The following FMN2 variants were observed in gnomAD, a reference collection of about 807,000 sequenced individuals.
The protein encoded by FMN2 is formin 2, also known as formin-2.
A neutral mutation model predicts 142.3 loss-of-function variants in FMN2; 51 were observed. That is an observed-to-expected ratio of 0.36 (90% confidence interval 0.29 to 0.45). The LOEUF is 0.45. FMN2 is among the 20% of genes least tolerant of loss of function. The pLI is 1.00. For synonymous variants in FMN2, 882 were observed against 869.8 expected (o/e 1.01, Z -0.25); for missense variants, 1,936 against 2,122.8 (o/e 0.91, Z 1.73).
At chr1:240,215,777 T>G (rs1224357390) in intron 6 of FMN2, among the ~76,000 whole-genome samples, 1 of 152,100 alleles carries the variant, frequency 6.6e-6, no homozygotes, top group Non-Finnish European at 1.5e-5. Flanking sequence ...GGCATGATCT[T>G]GGCTCACTGC....
At chr1:240,431,404 A>T (rs867724980) in intron 15 of FMN2, among the ~76,000 whole-genome samples, 36 of 11,294 alleles carry the variant, frequency 3.2e-3, no homozygotes, top group Middle Eastern at 0.083. Context: ...ACCATGTTTT[A>T]TATATATATA....
At chr1:240,097,651 G>A (rs988420913) in intron 1 of FMN2, among the ~76,000 whole-genome samples, 3 of 152,236 alleles carry the variant, frequency 2.0e-5, no homozygotes, top group Non-Finnish European at 2.9e-5. Flanking sequence ...CACCGCGCCC[G>A]GCTATAGCTG....
chr1:240,329,288 T>C, intron 9 of FMN2, 51 bp from the exon 10 acceptor site: 1 of 1,593,666 alleles, frequency 6.3e-7, no homozygotes, highest in Non-Finnish European at 8.6e-7. Flanking sequence ...AGGATAAACA[T>C]CTGTTTATGT....
intron 14 of FMN2, among the ~76,000 whole-genome samples, chr1:240,361,107 A>C (rs1672447995): frequency 6.9e-6 from 1 of 145,618 alleles, no homozygotes; most frequent in South Asian, 2.2e-4. Context: ...GTACCCTAGA[A>C]CTTAAAGTAT....
At chr1:240,226,684 G>A (rs6429192) in intron 6 of FMN2, among the ~76,000 whole-genome samples, 46,545 of 151,902 alleles carry the variant, frequency 0.31, 7,815 homozygotes, top group African/African-American at 0.45. Context: ...AGCTATGATC[G>A]TGCCACTGTA....
intron 2 of FMN2, chr1:240,144,849 C>A: frequency 6.3e-6 from 9 of 1,439,220 alleles, no homozygotes; most frequent in Non-Finnish European, 8.8e-6. Context: ...ACCTTCTTTG[C>A]ATCATCCAGC....
intron 16 of FMN2, among the ~76,000 whole-genome samples, chr1:240,463,374 C>G (rs147824306): frequency 1.8e-3 from 275 of 152,240 alleles, no homozygotes; most frequent in Middle Eastern, 3.4e-3. Flanking sequence ...TATCAAGGAA[C>G]TGGATGGATG....
intron 8 of FMN2, among the ~76,000 whole-genome samples, chr1:240,323,175 C>CTCTTT (rs1057047035): frequency 4.7e-5 from 7 of 148,982 alleles, no homozygotes; most frequent in Admixed American, 1.4e-4. Flanking sequence ...CTCTTTCTCT[C>CTCTTT]TCTTTTCTTT....
At chr1:240,322,883 AT>A (rs1301744746) in intron 8 of FMN2, among the ~76,000 whole-genome samples, 1 of 151,936 alleles carries the variant, frequency 6.6e-6, no homozygotes, top group Non-Finnish European at 1.5e-5. Context: ...TAGGAGGTTA[AT>A]TTTTTTGTCT....
chr1:240,234,943 T>G (rs1371645022), intron 6 of FMN2, among the ~76,000 whole-genome samples: 3 of 152,210 alleles, frequency 2.0e-5, no homozygotes, highest in Non-Finnish European at 4.4e-5. Context: ...TTAACTACAC[T>G]TACAATTTCA....
chr1:240,187,287 AAAAAG>A (rs1312545411), intron 3 of FMN2, among the ~76,000 whole-genome samples: 33 of 145,582 alleles, frequency 2.3e-4, no homozygotes, highest in African/African-American at 7.2e-4. Context: ...AAAAAAAAAA[AAAAAG>A]AAAAGAAAAA....
At position 240,468,206 on chromosome 1, in the gene FMN2, A is replaced by ATGTGTG. The variant is rs199866888; in HGVS notation, c.5061-4144_5061-4139dup. ...AATGCATCCACTAAAATATATATAT[A>ATGTGTG]TGTGTGTGTGTGTGTGTGTGTGTGT... On this transcript the variant is annotated intron_variant, in intron 16 of 17. Coordinates refer to ENST00000319653, the MANE Select transcript of FMN2 (RefSeq NM_020066.5). 9.6e-3 allele frequency among the ~76,000 whole-genome samples: 1,422 copies of ATGTGTG among 147,958 alleles called. 37 individuals are homozygous for ATGTGTG. Among genetic ancestry groups the ATGTGTG allele is most frequent in the African/African-American group, 0.034 (1,356 of 39,976 alleles).
chr1:240,145,865 G>A (rs1003709094), intron 2 of FMN2, among the ~76,000 whole-genome samples: 2 of 151,980 alleles, frequency 1.3e-5, no homozygotes, highest in African/African-American at 2.4e-5. Flanking sequence ...GCCAAGGGTC[G>A]AGGCAGAAAT....
intron 7 of FMN2, among the ~76,000 whole-genome samples, chr1:240,268,885 A>T (rs533255682): frequency 2.6e-5 from 4 of 152,078 alleles, no homozygotes; most frequent in Non-Finnish European, 5.9e-5. Context: ...CCCATTTTCA[A>T]TAGGGTTATT....
intron 2 of FMN2, chr1:240,142,560 G>A (rs909333560): frequency 9.1e-7 from 1 of 1,102,508 alleles, no homozygotes; most frequent in Non-Finnish European, 1.3e-6. Flanking sequence ...TAACAAAAGA[G>A]CAGGAGGCAA....
chr1:240,330,011 G>T (rs1671325679), intron 10 of FMN2, among the ~76,000 whole-genome samples: 1 of 152,170 alleles, frequency 6.6e-6, no homozygotes, highest in Non-Finnish European at 1.5e-5. Context: ...TCTAGTTGCG[G>T]TAAATCATTT....
At chr1:240,217,426 A>C (rs1666947707) in intron 6 of FMN2, among the ~76,000 whole-genome samples, 1 of 152,166 alleles carries the variant, frequency 6.6e-6, no homozygotes. Context: ...CCAAAGACAT[A>C]AAATAATGTC....
At chr1:240,121,401 G>C (rs1662241033) in intron 1 of FMN2, among the ~76,000 whole-genome samples, 1 of 149,262 alleles carries the variant, frequency 6.7e-6, no homozygotes, top group Non-Finnish European at 1.5e-5. Flanking sequence ...TTTTGAGACG[G>C]AGTCTTGCTC....
intron 6 of FMN2, among the ~76,000 whole-genome samples, chr1:240,256,937 A>G (rs1428737854): frequency 2.0e-5 from 3 of 152,188 alleles, no homozygotes; most frequent in Non-Finnish European, 1.5e-5. Context: ...TTATTTTATT[A>G]CTATCCTGAT....
Sources: gnomAD v4.1 joint callset for allele counts (sites outside exome capture counted in the v4.1 genomes callset) on GRCh38, gnomAD v4.1.1 for gene constraint, MANE v1.5 for transcripts, NCBI Gene and HGNC (gene_info 2026-07-23, HGNC 2026-07-21) for gene names.